Variants in SUGCT observed in about 807,000 individuals in gnomAD.
SUGCT encodes the protein succinyl-CoA:glutarate-CoA transferase, also known as succinyl-CoA:glutarate CoA-transferase.
SUGCT carries 41 observed loss-of-function variants against 55.0 expected under a neutral mutation model. That is an observed-to-expected ratio of 0.74 (90% CI 0.58 to 0.97). The LOEUF is 0.97. SUGCT is among the 50% of genes least tolerant of loss of function. SUGCT has a pLI of 0.00. For missense variants in SUGCT, 568 were observed against 547.8 expected (o/e 1.04, Z -0.37); for synonymous variants, 187 against 200.4 (o/e 0.93, Z 0.56).
the SUGCT span, among the ~76,000 whole-genome samples, chr7:40,971,255 C>T: frequency 6.6e-6 from 1 of 152,062 alleles, no homozygotes; most frequent in Non-Finnish European, 1.5e-5. Flanking sequence ...CTCATGTGAG[C>T]CCACTCAGCA....
chr7:40,183,940 G>A (rs1471173725), intron 3 of SUGCT, among the ~76,000 whole-genome samples: 2 of 152,118 alleles, frequency 1.3e-5, no homozygotes, highest in Admixed American at 1.3e-4. Context: ...TTGGGAGGAC[G>A]AGGTGGGCGG....
At chr7:40,208,353 T>C (rs1787119131) in intron 6 of SUGCT, among the ~76,000 whole-genome samples, 1 of 152,142 alleles carries the variant, frequency 6.6e-6, no homozygotes, top group Non-Finnish European at 1.5e-5. Flanking sequence ...GTTATGTATA[T>C]TTTGCCACAA....
At chr7:40,902,383 T>A in the SUGCT span, among the ~76,000 whole-genome samples, 3 of 151,716 alleles carry the variant, frequency 2.0e-5, no homozygotes, top group Non-Finnish European at 4.4e-5. Flanking sequence ...ACTGAGACCA[T>A]CCTGGCTAAT....
intron 12 of SUGCT, among the ~76,000 whole-genome samples, chr7:40,510,395 T>A (rs991994318): frequency 1.2e-4 from 19 of 152,320 alleles, no homozygotes; most frequent in African/African-American, 4.1e-4. Context: ...TTATTCCGTG[T>A]TCTCTGGTAA....
chr7:40,827,391 T>C (rs1792368522), intron 13 of SUGCT, among the ~76,000 whole-genome samples: 2 of 152,024 alleles, frequency 1.3e-5, no homozygotes, highest in Admixed American at 1.3e-4. Flanking sequence ...AAGCCTTCTA[T>C]GGAGTAGGGA....
At chr7:40,361,967 T>C (rs1313259256) in intron 9 of SUGCT, among the ~76,000 whole-genome samples, 1 of 151,358 alleles carries the variant, frequency 6.6e-6, no homozygotes, top group Non-Finnish European at 1.5e-5. Flanking sequence ...TGGCTTAGAG[T>C]GAGAAGAAAT....
intron 12 of SUGCT, among the ~76,000 whole-genome samples, chr7:40,747,243 C>T (rs949761269): frequency 6.6e-6 from 1 of 152,070 alleles, no homozygotes; most frequent in Non-Finnish European, 1.5e-5. Context: ...AGAGCATCAC[C>T]CGAAAAGTGG....
intron 6 of SUGCT, among the ~76,000 whole-genome samples, chr7:40,207,570 A>C (rs1787045688): frequency 6.6e-6 from 1 of 152,206 alleles, no homozygotes; most frequent in Non-Finnish European, 1.5e-5. Flanking sequence ...TAATCCCAGC[A>C]CTTTGGGAGG....
chr7:40,660,152 T>C (rs1464159046), intron 12 of SUGCT, among the ~76,000 whole-genome samples: 1 of 152,222 alleles, frequency 6.6e-6, no homozygotes, highest in Non-Finnish European at 1.5e-5. Flanking sequence ...TTGCTCTATA[T>C]AGTCATTGAG....
the SUGCT span, among the ~76,000 whole-genome samples, chr7:41,009,725 A>G: frequency 6.1e-4 from 93 of 151,970 alleles, 3 homozygotes; most frequent in South Asian, 0.018. Context: ...CCACCCATTC[A>G]TCCATCTCAG....
At chr7:40,362,981 T>C (rs2151226946) in intron 9 of SUGCT, among the ~76,000 whole-genome samples, 1 of 152,286 alleles carries the variant, frequency 6.6e-6, no homozygotes, top group Non-Finnish European at 1.5e-5. Flanking sequence ...AACAACCCAT[T>C]TTTAAAATGG....
At position 40,153,358 on chromosome 7, in the gene SUGCT, G is replaced by A. The variant is rs1030806014; in HGVS notation, c.100+18238G>A. 7.5e-5 allele frequency: 27 copies of A among 361,658 alleles called. No individual in the cohort carries two copies. The Admixed American group carries it at 9.0e-4, about 12-fold the overall frequency. 22.4% of individuals were successfully genotyped at this position (361,658 alleles called of 1,614,324 possible). A position where few individuals can be genotyped will look rare whatever the true frequency, so the allele number is the denominator to read the frequency against. ...CTTTCCCTCAAATGAGACTGGAAGA[G>A]ATTCTGGGGGTGATGTTTAAGGCTA... On this transcript the variant is annotated intron_variant, in intron 1 of 13. Coordinates refer to ENST00000335693, the MANE Select transcript of SUGCT (RefSeq NM_001193313.2).
At chr7:40,376,514 C>T (rs1351953941) in intron 9 of SUGCT, among the ~76,000 whole-genome samples, 1 of 151,952 alleles carries the variant, frequency 6.6e-6, no homozygotes, top group Non-Finnish European at 1.5e-5. Flanking sequence ...GCCTCAGCCT[C>T]CTGAGTAGCT....
At chr7:40,474,309 G>T (rs1350330832) in intron 11 of SUGCT, among the ~76,000 whole-genome samples, 1 of 152,078 alleles carries the variant, frequency 6.6e-6, no homozygotes, top group Admixed American at 6.6e-5. Context: ...TATTGAGTGT[G>T]GGGGGCAGAG....
At chr7:40,177,350 T>TTTCTATCCATAAG (rs1468174693) in intron 1 of SUGCT, among the ~76,000 whole-genome samples, 6 of 151,936 alleles carry the variant, frequency 3.9e-5, no homozygotes, top group African/African-American at 1.5e-4. Context: ...CACTTTCCTT[T>TTTCTATCCATAAG]TTCTATCCAT....
At chr7:40,894,808 A>G in the SUGCT span, among the ~76,000 whole-genome samples, 1 of 152,224 alleles carries the variant, frequency 6.6e-6, no homozygotes, top group Non-Finnish European at 1.5e-5. Flanking sequence ...AAGTCAGAAA[A>G]TAACAGATGC....
At chr7:40,755,102 A>G (rs1788189894) in intron 13 of SUGCT, among the ~76,000 whole-genome samples, 1 of 152,194 alleles carries the variant, frequency 6.6e-6, no homozygotes, top group South Asian at 2.1e-4. Context: ...TCCAGAGGCC[A>G]GAGGAATAAG....
intron 11 of SUGCT, among the ~76,000 whole-genome samples, chr7:40,471,845 CAA>C (rs775323113): frequency 6.6e-6 from 1 of 151,896 alleles, no homozygotes. Flanking sequence ...AGTTATTTTA[CAA>C]AGAGACTATT....
intron 6 of SUGCT, among the ~76,000 whole-genome samples, chr7:40,222,906 G>T (rs571060040): frequency 1.3e-5 from 2 of 152,234 alleles, no homozygotes; most frequent in Admixed American, 1.3e-4. Context: ...GTGATTACAG[G>T]CATAAGCTAC....
Sources: gnomAD v4.1 joint callset for allele counts (sites outside exome capture counted in the v4.1 genomes callset) on GRCh38, gnomAD v4.1.1 for gene constraint, MANE v1.5 for transcripts, NCBI Gene and HGNC (gene_info 2026-07-23, HGNC 2026-07-21) for gene names.